Variants in MAGI2 observed in about 807,000 individuals in gnomAD.
MAGI2 encodes the protein membrane-associated guanylate kinase, WW and PDZ domain-containing protein 2.
Under a neutral mutation model 133.3 loss-of-function variants are expected in MAGI2, and 35 were observed. The ratio of observed to expected loss-of-function variants is 0.26; its 90% CI spans 0.20 to 0.35. MAGI2 has a LOEUF of 0.35. MAGI2 is among the 10% of genes least tolerant of loss of function. MAGI2 has a pLI of 1.00. For synonymous variants in MAGI2, 729 were observed against 710.6 expected (o/e 1.03, Z -0.41); for missense variants, 1,636 against 1,863.4 (o/e 0.88, Z 2.25).
chr7:78,426,348 AT>A (rs1799271568), intron 6 of MAGI2, among the ~76,000 whole-genome samples: 1 of 152,170 alleles, frequency 6.6e-6, no homozygotes, highest in African/African-American at 2.4e-5. Context: ...TCAGTAAACT[AT>A]CGCAAGAACA....
chr7:78,889,089 C>A (rs1796514058), intron 2 of MAGI2, among the ~76,000 whole-genome samples: 1 of 152,122 alleles, frequency 6.6e-6, no homozygotes, highest in Middle Eastern at 3.2e-3. Context: ...AATGCACTAG[C>A]CTCAGTAGCC....
chr7:78,220,729 C>T (rs1042448016), intron 10 of MAGI2, among the ~76,000 whole-genome samples: 8 of 152,120 alleles, frequency 5.3e-5, no homozygotes, highest in South Asian at 2.1e-4. Flanking sequence ...TTTGCCCAAA[C>T]GCATCCATTT....
chr7:78,784,855 A>G (rs868784908), intron 2 of MAGI2, among the ~76,000 whole-genome samples: 8 of 152,182 alleles, frequency 5.3e-5, no homozygotes, highest in African/African-American at 1.7e-4. Context: ...CTTTTGTTAC[A>G]GGAGTGTTGG....
At chr7:79,077,277 G>T (rs1192040629) in intron 1 of MAGI2, among the ~76,000 whole-genome samples, 1 of 151,760 alleles carries the variant, frequency 6.6e-6, no homozygotes, top group South Asian at 2.1e-4. Context: ...CCCTTTTTTG[G>T]GCCGGCGCGG....
At chr7:78,523,125 A>G (rs1452928145) in intron 3 of MAGI2, among the ~76,000 whole-genome samples, 1 of 152,230 alleles carries the variant, frequency 6.6e-6, no homozygotes, top group East Asian at 1.9e-4. Context: ...AGGAATGACC[A>G]TTAACCAGAA....
intron 1 of MAGI2, among the ~76,000 whole-genome samples, chr7:79,026,559 T>A (rs1809904562): frequency 6.6e-6 from 1 of 152,108 alleles, no homozygotes; most frequent in African/African-American, 2.4e-5. Context: ...AATAGCAAGA[T>A]AACAAACAAC....
At chr7:78,395,111 T>C (rs1254690970) in intron 6 of MAGI2, among the ~76,000 whole-genome samples, 1 of 152,328 alleles carries the variant, frequency 6.6e-6, no homozygotes, top group African/African-American at 2.4e-5. Flanking sequence ...AGAGTCAAAC[T>C]TCAGAAAGCT....
chr7:79,125,925 T>A lies in MAGI2; in HGVS notation c.302-118719A>T, dbSNP rs185710432. ...GGTCAACCAAGCATAGTGGTGGCAG[T>A]GCCTAGCTGCTACAAAGAAGACATG... On this transcript the variant is annotated intron_variant, in intron 1 of 21. Coordinates refer to ENST00000354212, the MANE Select transcript of MAGI2 (RefSeq NM_012301.4). 2.2e-3 allele frequency among the ~76,000 whole-genome samples: 335 copies of A among 152,350 alleles called. 2 individuals are homozygous for A. Among genetic ancestry groups the A allele is most frequent in the African/African-American group, 7.6e-3 (314 of 41,586 alleles).
chr7:78,951,070 C>A (rs1407826964), intron 2 of MAGI2, among the ~76,000 whole-genome samples: 1 of 149,662 alleles, frequency 6.7e-6, no homozygotes, highest in Non-Finnish European at 1.5e-5. Flanking sequence ...CTCCTGGGTT[C>A]AAGCAATTCT....
chr7:78,949,127 T>C (rs1801667941), intron 2 of MAGI2, among the ~76,000 whole-genome samples: 1 of 152,146 alleles, frequency 6.6e-6, no homozygotes, highest in South Asian at 2.1e-4. Context: ...CAACATTCTG[T>C]GTATATACAA....
At chr7:78,685,345 GT>G (rs1027603813) in intron 2 of MAGI2, among the ~76,000 whole-genome samples, 4 of 151,864 alleles carry the variant, frequency 2.6e-5, no homozygotes, top group South Asian at 2.1e-4. Flanking sequence ...TGTCCCTTAA[GT>G]TTTTTTTCCT....
chr7:78,974,326 T>A (rs377226474), intron 2 of MAGI2, among the ~76,000 whole-genome samples: 17 of 151,880 alleles, frequency 1.1e-4, no homozygotes, highest in Admixed American at 1.1e-3. Flanking sequence ...TTTTCTCTAG[T>A]GTGGCTAATT....
intron 5 of MAGI2, among the ~76,000 whole-genome samples, chr7:78,495,288 G>A (rs1793985212): frequency 6.6e-6 from 1 of 152,068 alleles, no homozygotes; most frequent in Admixed American, 6.6e-5. Flanking sequence ...ACAGGCCCTG[G>A]TGTGTGATGC....
At chr7:78,263,336 G>A (rs1232510397) in intron 9 of MAGI2, among the ~76,000 whole-genome samples, 1 of 152,164 alleles carries the variant, frequency 6.6e-6, no homozygotes, top group Non-Finnish European at 1.5e-5. Context: ...TATATACCCA[G>A]TAATGGGATT....
intron 6 of MAGI2, among the ~76,000 whole-genome samples, chr7:78,470,276 A>G (rs960284453): frequency 6.6e-6 from 1 of 152,088 alleles, no homozygotes; most frequent in Non-Finnish European, 1.5e-5. Context: ...TGTTCTGACC[A>G]CTGTGGAATC....
chr7:78,227,883 T>TGTGTGTGTGTG (rs1563292086), intron 10 of MAGI2, among the ~76,000 whole-genome samples: 6 of 149,202 alleles, frequency 4.0e-5, no homozygotes, highest in Non-Finnish European at 8.9e-5. Flanking sequence ...TGTGTGTGTG[T>TGTGTGTGTGTG]TTTAAACCCT....
chr7:78,325,514 T>C (rs1025987771), intron 9 of MAGI2, among the ~76,000 whole-genome samples: 10 of 152,208 alleles, frequency 6.6e-5, no homozygotes, highest in African/African-American at 2.2e-4. Flanking sequence ...CAAGCAAACA[T>C]ACTTGACTCG....
intron 2 of MAGI2, among the ~76,000 whole-genome samples, chr7:78,859,340 G>C (rs914400789): frequency 5.9e-5 from 9 of 152,012 alleles, no homozygotes; most frequent in African/African-American, 1.4e-4. Flanking sequence ...AGCATCGATG[G>C]TCTTTACAAT....
intron 2 of MAGI2, among the ~76,000 whole-genome samples, chr7:78,760,373 T>TC (rs1705251048): frequency 6.7e-6 from 1 of 149,826 alleles, no homozygotes; most frequent in Non-Finnish European, 1.5e-5. Flanking sequence ...TTTTTTTTTT[T>TC]TTTTTTGAGA....
Sources: gnomAD v4.1 joint callset for allele counts (sites outside exome capture counted in the v4.1 genomes callset) on GRCh38, gnomAD v4.1.1 for gene constraint, MANE v1.5 for transcripts, NCBI Gene and HGNC (gene_info 2026-07-23, HGNC 2026-07-21) for gene names.